Variants in TULP4 observed in about 807,000 individuals in gnomAD.
TULP4 encodes the protein tubby-related protein 4.
In TULP4, 16 loss-of-function variants were observed where a neutral mutation model predicts 129.0. The ratio of observed to expected loss-of-function variants is 0.12; its 90% CI spans 0.08 to 0.19. TULP4 has a LOEUF of 0.19. TULP4 is among the 10% of genes least tolerant of loss of function. The pLI is 1.00. For synonymous variants in TULP4, 998 were observed against 854.0 expected, an observed-to-expected ratio of 1.17 and a Z score of -2.94; for missense variants, 1,842 against 2,059.1, an observed-to-expected ratio of 0.89 and a Z score of 2.04.
chr6:158,488,674 T>TA (rs1461895934), intron 8 of TULP4, among the ~76,000 whole-genome samples: 1 of 152,204 alleles, frequency 6.6e-6, no homozygotes, highest in East Asian at 1.9e-4. Context: ...GATTGAATGA[T>TA]ACAGCTTTTA....
chr6:158,498,232 C>T (rs1780372354), intron 11 of TULP4, among the ~76,000 whole-genome samples: 1 of 152,234 alleles, frequency 6.6e-6, no homozygotes, highest in Non-Finnish European at 1.5e-5. Flanking sequence ...ATTGCTTTCA[C>T]ACAGTTTCTT....
At chr6:158,464,543 C>G (rs987622883) in intron 6 of TULP4, among the ~76,000 whole-genome samples, 2 of 152,180 alleles carry the variant, frequency 1.3e-5, no homozygotes, top group African/African-American at 4.8e-5. Context: ...AGTGTAGTGG[C>G]GCGATCTCAG....
At chr6:158,497,939 G>A (rs1780367644) in intron 11 of TULP4, among the ~76,000 whole-genome samples, 1 of 152,204 alleles carries the variant, frequency 6.6e-6, no homozygotes, top group Admixed American at 6.5e-5. Context: ...TCACAGGGCA[G>A]TTTCACCCCG....
At chr6:158,447,020 A>G (rs750631878) in intron 3 of TULP4, among the ~76,000 whole-genome samples, 22 of 152,200 alleles carry the variant, frequency 1.4e-4, no homozygotes, top group Non-Finnish European at 2.4e-4. Flanking sequence ...ATCGCCTCAA[A>G]AGTTTATAGT....
At chr6:158,344,810 A>ATT in intron 1 of TULP4, among the ~76,000 whole-genome samples, 1 of 152,236 alleles carries the variant, frequency 6.6e-6, no homozygotes, top group African/African-American at 2.4e-5. Flanking sequence ...AAAGCTAGAA[A>ATT]TGAGTAACTC....
chr6:158,452,463 T>C (rs1446196248), intron 5 of TULP4, among the ~76,000 whole-genome samples, 195 bp downstream of exon 5: 1 of 152,228 alleles, frequency 6.6e-6, no homozygotes, highest in Non-Finnish European at 1.5e-5. Flanking sequence ...CCTAGTCTTA[T>C]CTCAAAGGGA....
chr6:158,295,107 A>G (rs549727957), intron 1 of TULP4, among the ~76,000 whole-genome samples: 1 of 152,082 alleles, frequency 6.6e-6, no homozygotes, highest in South Asian at 2.1e-4. Context: ...TCTACTGTAT[A>G]TTTTTGTCTT....
At chr6:158,295,738 A>C (rs1779016998) in intron 1 of TULP4, among the ~76,000 whole-genome samples, 1 of 152,150 alleles carries the variant, frequency 6.6e-6, no homozygotes, top group Admixed American at 6.5e-5. Flanking sequence ...AAAATACAAA[A>C]AAATTAGCCG....
intron 8 of TULP4, among the ~76,000 whole-genome samples, chr6:158,489,349 G>A (rs537188112): frequency 1.8e-4 from 27 of 152,294 alleles, no homozygotes; most frequent in Admixed American, 5.9e-4. Flanking sequence ...TGTCTATTTC[G>A]TACATTCCTA....
At chr6:158,261,251 A>G (rs916473150) in intron 1 of TULP4, among the ~76,000 whole-genome samples, 3 of 152,256 alleles carry the variant, frequency 2.0e-5, no homozygotes, top group African/African-American at 7.2e-5. Flanking sequence ...AGCTAAGGCA[A>G]CTGAGAAACA....
At chr6:158,306,898 T>C (rs935116789) in intron 1 of TULP4, among the ~76,000 whole-genome samples, 4 of 152,064 alleles carry the variant, frequency 2.6e-5, no homozygotes, top group Admixed American at 6.5e-5. Flanking sequence ...TGTGCACCTG[T>C]GGTCCTAGCT....
At chr6:158,484,029 C>T (rs1456933485) in intron 8 of TULP4, among the ~76,000 whole-genome samples, 1 of 151,642 alleles carries the variant, frequency 6.6e-6, no homozygotes, top group Non-Finnish European at 1.5e-5. Context: ...AGCAACCCTC[C>T]CACTTCAGCC....
rs190154155 is a variant in TULP4 at position 158,413,495 on chromosome 6, T to C, written c.381+302T>C. 5.6e-4 allele frequency among the ~76,000 whole-genome samples: 85 copies of C among 152,348 alleles called. No homozygotes were observed. Among genetic ancestry groups the C allele is most frequent in the Non-Finnish European group, 1.1e-3 (75 of 68,028 alleles). The stretch of plus-strand genomic sequence containing the variant: ...TTCAGTGTTGTGATTCCATGTTAAA[T>C]TTGGGGCCTCTGGCATATCACTGTT... On this transcript the variant is annotated intron_variant, in intron 2 of 13. Coordinates refer to ENST00000367097, the MANE Select transcript of TULP4 (RefSeq NM_020245.5). The surrounding 1 kb of genome is among the most constrained non-coding windows in gnomAD (Gnocchi z 4.9).
At chr6:158,365,979 T>C (rs1434037394) in intron 1 of TULP4, among the ~76,000 whole-genome samples, 24 of 134,588 alleles carry the variant, frequency 1.8e-4, no homozygotes, top group African/African-American at 2.8e-5. Flanking sequence ...CTCGGCTCAC[T>C]GCAAGCTGCA....
chr6:158,340,848 T>C (rs546941651), intron 1 of TULP4, among the ~76,000 whole-genome samples: 9 of 152,330 alleles, frequency 5.9e-5, no homozygotes, highest in South Asian at 2.1e-4. Flanking sequence ...CAACGGTTGC[T>C]TGAGTTAGAG....
chr6:158,473,359 G>A (rs937705737), intron 6 of TULP4, among the ~76,000 whole-genome samples: 2 of 152,168 alleles, frequency 1.3e-5, no homozygotes, highest in South Asian at 4.1e-4. Flanking sequence ...TACAAGGATG[G>A]TTGTGTTCTT....
At chr6:158,235,939 G>A (rs1199398126) in intron 1 of TULP4, among the ~76,000 whole-genome samples, 1 of 152,152 alleles carries the variant, frequency 6.6e-6, no homozygotes, top group Non-Finnish European at 1.5e-5. Flanking sequence ...GGACCCATGG[G>A]GGATAAAACC....
chr6:158,510,427 G>A lies in TULP4; in HGVS notation c.*3733G>A, dbSNP rs559843656. 1 of 152,208 alleles carries A rather than the reference G, an allele frequency of 6.6e-6. No homozygotes were observed. Among genetic ancestry groups the A allele is most frequent in the South Asian group, 2.1e-4 (1 of 4,830 alleles). The allele number at this position is 152,208 out of a possible 1,614,324, so 9.4% of individuals were successfully genotyped here. ...GCTAGGCCTCCACTTGTCCATCTGT[G>A]AAATGAAAGGATCAGCCTGGACAGC... On this transcript the variant is annotated 3_prime_UTR_variant, in exon 14 of 14. Coordinates refer to ENST00000367097, the MANE Select transcript of TULP4 (RefSeq NM_020245.5).
intron 1 of TULP4, among the ~76,000 whole-genome samples, chr6:158,233,902 GTTTA>G (rs1227578568): frequency 2.0e-5 from 3 of 152,164 alleles, no homozygotes; most frequent in African/African-American, 7.2e-5. Context: ...GAAGTAGCAG[GTTTA>G]TTTATTTATT....
Sources: allele counts gnomAD v4.1 joint callset (sites outside exome capture counted in the v4.1 genomes callset), GRCh38; gene constraint gnomAD v4.1.1; non-coding constraint Gnocchi (gnomAD v3.1); transcripts MANE v1.5; gene names NCBI Gene and HGNC (gene_info 2026-07-23, HGNC 2026-07-21).